Variants in EXTL3 observed in about 807,000 individuals in gnomAD.
The protein encoded by EXTL3 is exostosin like glycosyltransferase 3.
EXTL3 carries 27 observed loss-of-function variants against 69.3 expected under a neutral mutation model. That is an observed-to-expected ratio of 0.39 (90% CI 0.29 to 0.54). The LOEUF is 0.54. Ranked by LOEUF, EXTL3 falls within the 20% of genes least tolerant of loss-of-function variation. EXTL3 has a pLI of 0.69. For missense variants in EXTL3, 1,003 were observed against 1,231.8 expected (o/e 0.81, Z 2.78); for synonymous variants, 511 against 499.4 (o/e 1.02, Z -0.31).
rs1801128338 is a variant in EXTL3, at chr8:28,715,689, A to G, written c.-371A>G. The stretch of plus-strand genomic sequence containing the variant: ...CACTATGCATATTTGTTGGTCAGCA[A>G]AACCAAGAAACAAGAGCTATGGCAT... On this transcript the variant is annotated 5_prime_UTR_variant, in exon 3 of 7. Coordinates refer to ENST00000220562, the MANE Select transcript of EXTL3 (RefSeq NM_001440.4). 3.6e-6 allele frequency: 1 copy of G among 274,456 alleles called. No individual in the cohort carries two copies. The highest frequency in any genetic ancestry group is 2.2e-5 in the African/African-American group (1 of 46,054). The allele number at this position is 274,456 out of a possible 1,614,324, so 17.0% of individuals were successfully genotyped here. A position where few individuals can be genotyped will look rare whatever the true frequency, so the allele number is the denominator to read the frequency against.
intron 1 of EXTL3, among the ~76,000 whole-genome samples, chr8:28,662,124 G>A (rs926149272): frequency 1.3e-5 from 2 of 151,606 alleles, no homozygotes; most frequent in East Asian, 3.9e-4. Context: ...TTTTTTGATG[G>A]TATACAAAGG....
At chr8:28,634,163 T>C (rs1806616377) in intron 1 of EXTL3, among the ~76,000 whole-genome samples, 2 of 152,206 alleles carry the variant, frequency 1.3e-5, no homozygotes, top group African/African-American at 4.8e-5. Flanking sequence ...TTTTTATGCT[T>C]TCGTATTTGT....
In EXTL3 at chr8:28,629,866, T is replaced by C. The variant is rs543465036; in HGVS notation, c.-53+7056T>C. Among the ~76,000 whole-genome samples, 5 of 152,080 alleles carry C rather than the reference T, an allele frequency of 3.3e-5. No homozygotes were observed. In the East Asian group the frequency reaches 9.7e-4, roughly 29 times the overall value. On this transcript the variant is annotated intron_variant, in intron 1 of 6. Transcript: ENST00000523149. ...GCAGCAGAAAACCCAAAAGACAGAC[T>C]AAAAGGAGAGCTATTCAGAGATAAG...
At chr8:28,669,552 G>A (rs1183011844) in intron 1 of EXTL3, among the ~76,000 whole-genome samples, 1 of 152,216 alleles carries the variant, frequency 6.6e-6, no homozygotes, top group Non-Finnish European at 1.5e-5. Context: ...TGTGTGTGTT[G>A]TGCAAACTAA....
At chr8:28,683,809 CAA>C (rs1007044770) in intron 1 of EXTL3, among the ~76,000 whole-genome samples, 1 of 139,918 alleles carries the variant, frequency 7.1e-6, no homozygotes. Context: ...GACTCCGTCT[CAA>C]AAAAAAAAAA....
chr8:28,698,166 A>G (rs1000023436), upstream of EXTL3: 1 of 152,228 alleles, frequency 6.6e-6, no homozygotes, highest in African/African-American at 2.4e-5. Context: ...AAAGCCTTTA[A>G]GTCTTGGAAA....
intron 1 of EXTL3, among the ~76,000 whole-genome samples, chr8:28,645,965 A>G (rs1411713115): frequency 6.6e-6 from 1 of 151,782 alleles, no homozygotes; most frequent in Non-Finnish European, 1.5e-5. Context: ...CAGGCTCCGG[A>G]GATCCTCCCA....
Position 28,687,559 on chromosome 8 carries a change from G to A in EXTL3, c.-52-25898G>A, listed in dbSNP as rs574827461. ...TTAGTTAATAGTCTCTATAAATTTGGTTTGGATGACTGTGAAAACCTTAGA... is the reference window on the plus strand; with the variant it reads ...TTAGTTAATAGTCTCTATAAATTTGATTTGGATGACTGTGAAAACCTTAGA... On this transcript the variant is annotated intron_variant, in intron 1 of 6. Coordinates refer to the EXTL3 transcript ENST00000523149. Among the ~76,000 whole-genome samples, 23 of 152,300 alleles carry A rather than the reference G, an allele frequency of 1.5e-4. No individual in the cohort carries two copies. In the East Asian group the frequency reaches 4.0e-3, roughly 27 times the overall value.
chr8:28,736,051 G>T (rs1801646206), intron 4 of EXTL3, among the ~76,000 whole-genome samples: 1 of 152,172 alleles, frequency 6.6e-6, no homozygotes, highest in African/African-American at 2.4e-5. Context: ...TTGGGAAGAT[G>T]AAAGAGTTCT....
At chr8:28,617,158 G>A (rs1806341019) in intron 2 of EXTL3, among the ~76,000 whole-genome samples, 1 of 152,128 alleles carries the variant, frequency 6.6e-6, no homozygotes, top group Non-Finnish European at 1.5e-5. Context: ...TCCTACTCAT[G>A]CCAAAAATTT....
chr8:28,713,248 T>C (rs962175092), intron 1 of EXTL3, among the ~76,000 whole-genome samples: 2 of 152,214 alleles, frequency 1.3e-5, no homozygotes, highest in Non-Finnish European at 2.9e-5. Flanking sequence ...TGTATACCTC[T>C]TGTCCCAGTG....
chr8:28,718,494 C>A (rs1408822521), intron 3 of EXTL3, among the ~76,000 whole-genome samples: 3 of 152,178 alleles, frequency 2.0e-5, no homozygotes, highest in Non-Finnish European at 4.4e-5. Context: ...CCGTAGACTT[C>A]CATGTCATAA....
chr8:28,642,109 A>G lies in EXTL3; in HGVS notation c.-53+19299A>G, dbSNP rs553540095. Among the ~76,000 whole-genome samples the G allele has an allele frequency of 1.1e-3, 173 of 152,272 alleles. 1 individual carries two copies. In the South Asian group the frequency reaches 0.013, roughly 11 times the overall value. On this transcript the variant is annotated intron_variant, in intron 1 of 6. Transcript: ENST00000523149. ...CTCAGCCTCCCAAAGTGCTGGGATTACAGGCGTGAGCCACCGTGCCCGGCC... is the reference window on the plus strand; with the variant it reads ...CTCAGCCTCCCAAAGTGCTGGGATTGCAGGCGTGAGCCACCGTGCCCGGCC...
intron 1 of EXTL3, among the ~76,000 whole-genome samples, chr8:28,624,291 T>G (rs7838686): frequency 0.085 from 12,905 of 152,262 alleles, 1,566 homozygotes; most frequent in African/African-American, 0.27. Context: ...AGGCCGGGTG[T>G]GGTGGCTCAC....
upstream of EXTL3, among the ~76,000 whole-genome samples, chr8:28,619,894 G>A (rs1287574580): frequency 8.4e-5 from 8 of 95,094 alleles, no homozygotes; most frequent in African/African-American, 3.3e-4. Context: ...TTTTTGAGAC[G>A]GAGTCTCGCT....
chr8:28,722,113 T>C (rs1483079977), intron 3 of EXTL3, among the ~76,000 whole-genome samples: 3 of 152,136 alleles, frequency 2.0e-5, no homozygotes, highest in Non-Finnish European at 2.9e-5. Flanking sequence ...GGAGGCCATG[T>C]AAATTCTGGA....
chr8:28,634,730 G>C (rs893723077), intron 1 of EXTL3, among the ~76,000 whole-genome samples: 3 of 152,028 alleles, frequency 2.0e-5, no homozygotes, highest in African/African-American at 7.3e-5. Flanking sequence ...GAGTAGCTGG[G>C]ATTACAGGCG....
At chr8:28,627,930 G>A (rs1388273142) in intron 1 of EXTL3, among the ~76,000 whole-genome samples, 1 of 152,068 alleles carries the variant, frequency 6.6e-6, no homozygotes, top group Non-Finnish European at 1.5e-5. Context: ...AAGCTAGGGG[G>A]AGGAGGAGTG....
At chr8:28,723,832 G>T (rs1199008378) in intron 3 of EXTL3, among the ~76,000 whole-genome samples, 1 of 151,884 alleles carries the variant, frequency 6.6e-6, no homozygotes, top group East Asian at 1.9e-4. Context: ...AGTAGAGTCA[G>T]GATTTTGCCA....
Sources: allele counts gnomAD v4.1 joint callset (sites outside exome capture counted in the v4.1 genomes callset), GRCh38; gene constraint gnomAD v4.1.1; transcripts MANE v1.5; gene names NCBI Gene and HGNC (gene_info 2026-07-23, HGNC 2026-07-21).